GLB1L2: variants seen among roughly 807,000 people sequenced by gnomAD.
The protein encoded by GLB1L2 is beta-galactosidase-1-like protein 2.
In GLB1L2, 68 loss-of-function variants were observed where a neutral mutation model predicts 84.1. That is an observed-to-expected ratio of 0.81 (90% CI 0.67 to 0.99). The LOEUF is 0.99. Ranked by LOEUF, GLB1L2 falls within the 50% of genes least tolerant of loss-of-function variation. The pLI, the probability that GLB1L2 is intolerant of heterozygous loss-of-function variation, is 0.00. For missense variants in GLB1L2, 762 were observed against 805.6 expected (o/e 0.95, Z 0.66); for synonymous variants, 290 against 318.0 (o/e 0.91, Z 0.94).
chr11:134,360,543 C>A (rs901121981), intron 7 of GLB1L2: 40 of 152,324 alleles, frequency 2.6e-4, no homozygotes, highest in African/African-American at 9.6e-4. Flanking sequence ...TTGGCGGCCT[C>A]CCGGTTTCAG....
rs541274618 is a variant in GLB1L2 at position 134,371,582 on chromosome 11, G to A, written c.1428+90G>A. 8.6e-4 allele frequency: 882 copies of A among 1,025,286 alleles called. 8 individuals are homozygous for A. In the South Asian group the frequency reaches 0.011, roughly 13 times the overall value. The allele number at this position is 1,025,286 out of a possible 1,614,324, so 63.5% of individuals were successfully genotyped here. ...TCACTGAGGAAAACCTGGGAGACCC[G>A]TGGCTCCTTACCCACAAGCTGTAGG... is the stretch of plus-strand genomic sequence containing the variant. On this transcript the variant is annotated intron_variant, in intron 14 of 18. Coordinates refer to ENST00000535456, the MANE Select transcript of GLB1L2 (RefSeq NM_001370461.1).
rs1198811247 is a variant in GLB1L2, at chr11:134,369,786, A to G, written c.1028-19A>G. 6.6e-7 allele frequency: 1 copy of G among 1,523,364 alleles called. No homozygotes were observed. The highest frequency in any genetic ancestry group is 9.1e-7 in the Non-Finnish European group (1 of 1,098,324). 94.4% of individuals were successfully genotyped at this position (1,523,364 alleles called of 1,614,324 possible). On this transcript the variant is annotated intron_variant, in intron 10 of 18. Coordinates refer to ENST00000535456, the MANE Select transcript of GLB1L2 (RefSeq NM_001370461.1). ...TGCTGGGGACAGGAATGACCATGACAGGGCCCGGTGTCTTGCAGACTATGA... is the reference window on the plus strand; with the variant it reads ...TGCTGGGGACAGGAATGACCATGACGGGGCCCGGTGTCTTGCAGACTATGA...
intron 5 of GLB1L2, 137 bp from the exon 6 acceptor site, chr11:134,356,164 G>A: frequency 2.6e-6 from 2 of 757,924 alleles, no homozygotes; most frequent in Non-Finnish European, 4.7e-6. Flanking sequence ...TTCTTCCACT[G>A]TCTTATTGAT....
chr11:134,359,694 C>G (rs994094481), intron 7 of GLB1L2: 6 of 152,378 alleles, frequency 3.9e-5, no homozygotes, highest in Non-Finnish European at 8.8e-5. Context: ...TTACCCTATC[C>G]TGCTGAACGC....
chr11:134,365,343 C>A (rs1943855362), intron 8 of GLB1L2, among the ~76,000 whole-genome samples: 1 of 152,212 alleles, frequency 6.6e-6, no homozygotes, highest in Non-Finnish European at 1.5e-5. Context: ...CAGGCGCGAT[C>A]CAGCTGGGTC....
chr11:134,336,736 T>G (rs1040340466), intron 1 of GLB1L2, among the ~76,000 whole-genome samples: 1 of 150,912 alleles, frequency 6.6e-6, no homozygotes, highest in African/African-American at 2.4e-5. Flanking sequence ...TCTTCATAGA[T>G]AAGTCCTATG....
chr11:134,344,905 G>C (rs367573039), intron 3 of GLB1L2, 129 bp from the exon 4 acceptor site: 1 of 1,105,860 alleles, frequency 9.0e-7, no homozygotes, highest in African/African-American at 1.5e-5. Flanking sequence ...GAGTCCCCGC[G>C]CTTTGGGGGT....
At chr11:134,343,030 G>C (rs1019777176) in intron 2 of GLB1L2, 79 bp downstream of exon 2, 2 of 1,457,240 alleles carry the variant, frequency 1.4e-6, no homozygotes, top group Non-Finnish European at 1.9e-6. Flanking sequence ...AATATAAGAG[G>C]AACCGGCCCA....
At position 134,340,323 on chromosome 11, in the gene GLB1L2, C is replaced by G. The variant is rs536033780; in HGVS notation, c.87-2431C>G. ...GCATGTGTGTGTGTATTTTCACCACCAGGTTGTCAAAATGCCCCTGTTTTT... is the reference window on the plus strand; with the variant it reads ...GCATGTGTGTGTGTATTTTCACCACGAGGTTGTCAAAATGCCCCTGTTTTT... On this transcript the variant is annotated intron_variant, in intron 1 of 18. Transcript: ENST00000535456. Among the ~76,000 whole-genome samples the G allele has an allele frequency of 7.2e-5, 11 of 152,196 alleles. No homozygotes were observed. In the South Asian group the frequency reaches 2.3e-3, roughly 32 times the overall value.
Position 134,334,011 on chromosome 11 carries a change from C to T in GLB1L2, c.86+1864C>T, listed in dbSNP as rs1943342652. Among the ~76,000 whole-genome samples the T allele has an allele frequency of 6.6e-6, 1 of 152,168 alleles. No individual in the cohort carries two copies. The highest frequency in any genetic ancestry group is 6.5e-5 in the Admixed American group (1 of 15,288). Reference sequence around the variant, plus strand: ...CCTCATGGGTACATTCTGCCAGTTCCTCCTGTCTGACTTGGGCTGGACACC... The same window carrying T: ...CCTCATGGGTACATTCTGCCAGTTCTTCCTGTCTGACTTGGGCTGGACACC... On this transcript the variant is annotated intron_variant, in intron 1 of 18. Transcript: ENST00000535456. The surrounding 1 kb of genome is among the most constrained non-coding windows in gnomAD (Gnocchi z 4.1).
At chr11:134,332,441 A>G (rs1432643324) in intron 1 of GLB1L2, among the ~76,000 whole-genome samples, 1 of 149,798 alleles carries the variant, frequency 6.7e-6, no homozygotes. Context: ...CCCCCCGTGG[A>G]CGCCCGCAGC....
chr11:134,369,972 AC>A, intron 11 of GLB1L2, 87 bp downstream of exon 11: 1 of 1,095,834 alleles, frequency 9.1e-7, no homozygotes, highest in Non-Finnish European at 1.4e-6. Context: ...TTACTGTCCC[AC>A]CTCGACCCCA....
Position 134,342,812 on chromosome 11 carries a change from G to GC in GLB1L2, c.147dup (p.Lys50GlnfsTer54). On this transcript the variant is annotated frameshift_variant, in exon 2 of 19. Transcript: ENST00000535456. LOFTEE classifies it high-confidence loss of function. ...CCGCCATCGACAGCTGGGGCTGCAGGCCAAGGGCTGGAACTTCATGCTGGA... is the reference window on the plus strand; with the variant it reads ...CCGCCATCGACAGCTGGGGCTGCAGGCCCAAGGGCTGGAACTTCATGCTGGA... 1 of 1,614,048 alleles carries GC rather than the reference G, an allele frequency of 6.2e-7. No individual in the cohort carries two copies.
At position 134,371,151 on chromosome 11, in the gene GLB1L2, A is replaced by G; in HGVS notation, c.1356+3A>G. On this transcript the variant is annotated splice_donor_region_variant and intron_variant, in intron 13 of 18. Transcript: ENST00000535456. ...GCCACGTGCATGATCGGGGGCAGGT[A>G]GGAGCTTCTCTTCTAAATTCCTGTG... The G allele has an allele frequency of 6.2e-7, 1 of 1,614,018 alleles. No homozygotes were observed. Among genetic ancestry groups the G allele is most frequent in the South Asian group, 1.1e-5 (1 of 91,060 alleles).
chr11:134,373,304 AG>A (rs925980962), intron 15 of GLB1L2, among the ~76,000 whole-genome samples: 30 of 152,292 alleles, frequency 2.0e-4, no homozygotes, highest in East Asian at 1.2e-3. Context: ...CCTAATGCAC[AG>A]CTTTAATCCT....
chr11:134,332,750 A>C (rs773130779), intron 1 of GLB1L2, among the ~76,000 whole-genome samples: 54 of 151,976 alleles, frequency 3.6e-4, no homozygotes, highest in Middle Eastern at 6.8e-3. Flanking sequence ...TTACCAGCTC[A>C]CCCTTTCCTC....
At chr11:134,361,715 G>A (rs139014223) in intron 7 of GLB1L2, among the ~76,000 whole-genome samples, 25 of 152,264 alleles carry the variant, frequency 1.6e-4, no homozygotes, top group East Asian at 7.7e-4. Flanking sequence ...GATCCGGCTC[G>A]TGTGGAGGCC....
chr11:134,374,954 C>G lies in GLB1L2; in HGVS notation c.1825-18C>G. On this transcript the variant is annotated intron_variant, in intron 18 of 18. Coordinates refer to ENST00000535456, the MANE Select transcript of GLB1L2 (RefSeq NM_001370461.1). ...GACAGACGTCAGCTGCCCTCCCAGCCGGGCCCTCTCTCCACAGGTCATCGT... is the reference window on the plus strand; with the variant it reads ...GACAGACGTCAGCTGCCCTCCCAGCGGGGCCCTCTCTCCACAGGTCATCGT... 4 of 1,608,470 alleles carry G rather than the reference C, an allele frequency of 2.5e-6. No individual in the cohort carries two copies. The highest frequency in any genetic ancestry group is 3.4e-6 in the Non-Finnish European group (4 of 1,176,958).
At chr11:134,364,517 C>T in intron 8 of GLB1L2, 119 bp downstream of exon 8, 1 of 765,614 alleles carries the variant, frequency 1.3e-6, no homozygotes, top group Non-Finnish European at 2.2e-6. Flanking sequence ...GGCTGATGGC[C>T]TCTGGCCCCC....
Sources: gnomAD v4.1 joint callset for allele counts (sites outside exome capture counted in the v4.1 genomes callset) on GRCh38, gnomAD v4.1.1 for gene constraint, Gnocchi (gnomAD v3.1) non-coding constraint, MANE v1.5 for transcripts, NCBI Gene and HGNC (gene_info 2026-07-23, HGNC 2026-07-21) for gene names.